Variants in KCNN3 observed in about 807,000 individuals in gnomAD.
KCNN3 encodes the protein potassium calcium-activated channel subfamily N member 3.
A neutral mutation model predicts 62.9 loss-of-function variants in KCNN3; 16 were observed. That is an observed-to-expected ratio of 0.25 (90% CI 0.17 to 0.39). The LOEUF (loss-of-function observed/expected upper bound fraction) is 0.39. Among genes scored for constraint, KCNN3 ranks in the 10% least tolerant of loss-of-function variants. The pLI, the probability that KCNN3 is intolerant of heterozygous loss-of-function variation, is 1.00. For synonymous variants in KCNN3, 370 were observed against 389.2 expected, an observed-to-expected ratio of 0.95 and a Z score of 0.58; for missense variants, 599 against 949.4, an observed-to-expected ratio of 0.63 and a Z score of 4.85.
intron 2 of KCNN3, among the ~76,000 whole-genome samples, chr1:154,806,845 C>T (rs1273107903): frequency 6.6e-6 from 1 of 152,154 alleles, no homozygotes; most frequent in Non-Finnish European, 1.5e-5. Flanking sequence ...CTTGGGTTTC[C>T]TGCGGTCCCT....
intron 3 of KCNN3, 144 bp downstream of exon 3, chr1:154,771,831 C>G: frequency 1.2e-6 from 1 of 831,574 alleles, no homozygotes; most frequent in Non-Finnish European, 2.0e-6. Context: ...ACTCAGCACT[C>G]CCCTCTTTCC....
Position 154,772,644 on chromosome 1 carries a change from A to G in KCNN3, c.1030-251T>C, listed in dbSNP as rs978802223. ...TCTTGGCCTCACTTTCCTCCTCTGC[A>G]AATCGCTGCCTGAGATATAGTGATT... On this transcript the variant is annotated intron_variant, in intron 2 of 7. Coordinates refer to ENST00000271915, the MANE Select transcript of KCNN3 (RefSeq NM_002249.6). The surrounding 1 kb of genome is among the most constrained non-coding windows in gnomAD (Gnocchi z 5.6). Among the ~76,000 whole-genome samples, 2 of 152,262 alleles carry G rather than the reference A, an allele frequency of 1.3e-5. No homozygotes were observed. Among genetic ancestry groups the G allele is most frequent in the African/African-American group, 4.8e-5 (2 of 41,470 alleles).
chr1:154,814,014 T>C (rs1486057291), intron 2 of KCNN3, among the ~76,000 whole-genome samples: 1 of 152,260 alleles, frequency 6.6e-6, no homozygotes, highest in Non-Finnish European at 1.5e-5. Context: ...TGGCAATCCA[T>C]GGCCAGCGGC....
At chr1:154,770,252 C>T (rs1238716132) in intron 3 of KCNN3, among the ~76,000 whole-genome samples, 1 of 152,244 alleles carries the variant, frequency 6.6e-6, no homozygotes, top group Non-Finnish European at 1.5e-5. Context: ...TGCACTGGCT[C>T]TCAGAACCTG....
At chr1:154,709,543 G>A (rs915864674) in intron 7 of KCNN3, among the ~76,000 whole-genome samples, 9 of 152,304 alleles carry the variant, frequency 5.9e-5, no homozygotes, top group African/African-American at 2.2e-4. Context: ...AGAAGCCAGA[G>A]AAGAATGAAG....
intron 3 of KCNN3, 141 bp from the exon 4 acceptor site, chr1:154,733,285 T>C: frequency 1.1e-6 from 1 of 892,796 alleles, no homozygotes; most frequent in Non-Finnish European, 1.8e-6. Flanking sequence ...CAGATCTCTT[T>C]AGGCTACTGA....
chr1:154,707,362 A>AAC lies in KCNN3; in HGVS notation c.*612_*613dup, dbSNP rs1447822348. On this transcript the variant is annotated 3_prime_UTR_variant, in exon 8 of 8. Transcript: ENST00000271915. Reference sequence around the variant, plus strand: ...ATGTGTGTACATGTACACGTTTGCAAACACACAGGTTTATGTGGGTATTAA... The same window carrying AAC: ...ATGTGTGTACATGTACACGTTTGCAAACACACACAGGTTTATGTGGGTATTAA... 2 of 152,100 alleles carry AAC rather than the reference A, an allele frequency of 1.3e-5. No individual in the cohort carries two copies. Among genetic ancestry groups the AAC allele is most frequent in the East Asian group, 3.9e-4 (2 of 5,188 alleles). 9.4% of individuals were successfully genotyped at this position (152,100 alleles called of 1,614,324 possible). A position where few individuals can be genotyped will look rare whatever the true frequency, so the allele number is the denominator to read the frequency against.
chr1:154,733,822 C>T (rs1156467642), intron 3 of KCNN3, among the ~76,000 whole-genome samples: 1 of 152,190 alleles, frequency 6.6e-6, no homozygotes, highest in Admixed American at 6.5e-5. Context: ...CCCCTTCCTC[C>T]CTCCCTTCAT....
chr1:154,822,029 G>C, intron 2 of KCNN3, 60 bp downstream of exon 2: 1 of 1,316,012 alleles, frequency 7.6e-7, no homozygotes. Context: ...GGATGGGCTC[G>C]GCTCAGAGCA....
In KCNN3 at chr1:154,702,702, TATATATATATATATATATATA is replaced by T. The variant is rs1699879093; in HGVS notation, c.*5253_*5273del. The T allele has an allele frequency of 4.8e-4, 1 of 2,086 alleles. No individual in the cohort carries two copies. Among genetic ancestry groups the T allele is most frequent in the African/African-American group, 1.2e-3 (1 of 856 alleles). The allele number at this position is 2,086 out of a possible 1,614,324, so 0.1% of individuals were successfully genotyped here. A position where few individuals can be genotyped will look rare whatever the true frequency, so the allele number is the denominator to read the frequency against. On this transcript the variant is annotated 3_prime_UTR_variant, in exon 8 of 8. Coordinates refer to ENST00000271915, the MANE Select transcript of KCNN3 (RefSeq NM_002249.6). ...GTTGGCTGCTTCGATCTGATTCAGA[TATATATATATATATATATATA>T]TATATATATATATATATATATATAT...
chr1:154,714,185 G>GTT (rs1700151591), intron 6 of KCNN3, among the ~76,000 whole-genome samples: 1 of 141,546 alleles, frequency 7.1e-6, no homozygotes, highest in African/African-American at 2.7e-5. Flanking sequence ...GGTGTGTGGT[G>GTT]TGTGTGTGGT....
At chr1:154,778,158 T>C (rs1052471266) in intron 2 of KCNN3, among the ~76,000 whole-genome samples, 8 of 152,216 alleles carry the variant, frequency 5.3e-5, no homozygotes, top group African/African-American at 1.9e-4. Flanking sequence ...TTCTGAGAAC[T>C]TGCCGGATTT....
chr1:154,823,906 G>A (rs1651002870), intron 1 of KCNN3, among the ~76,000 whole-genome samples: 2 of 152,132 alleles, frequency 1.3e-5, no homozygotes, highest in South Asian at 2.1e-4. Flanking sequence ...CCATGCTCTC[G>A]GCCCCACTCT....
rs1700744656 is a variant in KCNN3, at chr1:154,737,822, T to G, written c.1449-4678A>C. ...CTGTATCCCCCAGCTGCTCGGAGGC[T>G]GAGGCAGGAGGATTGCTCGTGCCCA... On this transcript the variant is annotated intron_variant, in intron 3 of 7. Transcript: ENST00000271915. Among the ~76,000 whole-genome samples, 5 of 152,192 alleles carry G rather than the reference T, an allele frequency of 3.3e-5. No homozygotes were observed. In the South Asian group the frequency reaches 1.0e-3, roughly 31 times the overall value.
intron 3 of KCNN3, among the ~76,000 whole-genome samples, chr1:154,746,379 T>G (rs111578370): frequency 0.033 from 5,017 of 151,984 alleles, 110 homozygotes; most frequent in Non-Finnish European, 0.047. Flanking sequence ...AAGGCTGAGG[T>G]GAGTTGGAGG....
In KCNN3 at chr1:154,869,213, C is replaced by A. The variant is rs567068548; in HGVS notation, c.752G>T (p.Ser251Ile). Residue 251 changes from serine (S) to isoleucine (I), a missense_variant, in exon 1 of 8, where the codon AGC becomes ATC. By Grantham distance (142) the Ser-to-Ile change is moderately radical (BLOSUM62 -2). This residue lies in a region of KCNN3 where 80 missense variants were observed against 85.4 expected (regional missense o/e 0.94). Coordinates refer to ENST00000271915, the MANE Select transcript of KCNN3 (RefSeq NM_002249.6). The surrounding 1 kb of genome is among the most constrained non-coding windows in gnomAD (Gnocchi z 6.1). Reference protein sequence around the residue: ...HNHQHAGTTASSTTFPKANKR... With the variant: ...HNHQHAGTTAISTTFPKANKR... ...GTTGGCTTTGGGGAAGGTGGTGCTG[C>A]TGGCGGTGGTGCCGGCATGCTGGTG... The A allele has an allele frequency of 6.2e-7, 1 of 1,614,136 alleles. No individual in the cohort carries two copies. The highest frequency in any genetic ancestry group is 2.2e-5 in the East Asian group (1 of 44,874).
intron 1 of KCNN3, among the ~76,000 whole-genome samples, chr1:154,827,570 A>G (rs1651190613): frequency 6.6e-6 from 1 of 152,192 alleles, no homozygotes; most frequent in South Asian, 2.1e-4. Context: ...AGGCCAAGGC[A>G]GGTGGATCAC....
At chr1:154,768,574 T>G (rs547408074) in intron 3 of KCNN3, among the ~76,000 whole-genome samples, 1 of 152,142 alleles carries the variant, frequency 6.6e-6, no homozygotes, top group South Asian at 2.1e-4. Flanking sequence ...CTGAGTGTCC[T>G]ACTAGAAGCA....
chr1:154,859,871 T>A (rs748969437), intron 1 of KCNN3: 1 of 1,528,920 alleles, frequency 6.5e-7, no homozygotes, highest in Non-Finnish European at 8.8e-7. Flanking sequence ...AGCACTCCTG[T>A]CCTTTAAGAA....
Sources: gnomAD v4.1 joint callset for allele counts (sites outside exome capture counted in the v4.1 genomes callset) on GRCh38, gnomAD v4.1.1 for gene constraint, gnomAD v4.1.1 regional missense constraint, Gnocchi (gnomAD v3.1) non-coding constraint, MANE v1.5 for transcripts, NCBI Gene and HGNC (gene_info 2026-07-23, HGNC 2026-07-21) for gene names.